The following ARID1B variants were observed in gnomAD, a reference collection of about 807,000 sequenced individuals.
ARID1B encodes AT-rich interaction domain 1B.
ARID1B carries 30 observed loss-of-function variants against 212.3 expected under a neutral mutation model. That is an observed-to-expected ratio of 0.14 (90% CI 0.11 to 0.19). The LOEUF is 0.19. Ranked by LOEUF, ARID1B falls within the 10% of genes least tolerant of loss-of-function variation. The pLI is 1.00. For missense variants in ARID1B, 2,891 were observed against 3,204.0 expected (o/e 0.90, Z 2.36); for synonymous variants, 1,402 against 1,301.7 (o/e 1.08, Z -1.66).
intron 4 of ARID1B, among the ~76,000 whole-genome samples, chr6:157,025,703 A>C (rs1337781856): frequency 3.3e-5 from 5 of 151,998 alleles, no homozygotes. Context: ...TTGTTTATCC[A>C]CTCATCAGTT....
chr6:156,801,330 G>C (rs895933927), intron 1 of ARID1B, among the ~76,000 whole-genome samples: 2 of 150,872 alleles, frequency 1.3e-5, no homozygotes, highest in Non-Finnish European at 2.9e-5. Context: ...CTTCTGAGTA[G>C]CTAGGATTAT....
chr6:156,946,474 A>G (rs191379845), intron 4 of ARID1B, among the ~76,000 whole-genome samples: 5 of 152,338 alleles, frequency 3.3e-5, no homozygotes, highest in Admixed American at 2.0e-4. Context: ...CCTGACATCT[A>G]TGTGCCTGCC....
At chr6:156,963,376 C>T (rs1308078607) in intron 4 of ARID1B, among the ~76,000 whole-genome samples, 2 of 151,988 alleles carry the variant, frequency 1.3e-5, no homozygotes, top group South Asian at 2.1e-4. Flanking sequence ...TGTGTGTATT[C>T]GTGGATAATT....
At chr6:157,156,466 A>G (rs922382927) in intron 8 of ARID1B, among the ~76,000 whole-genome samples, 3 of 152,252 alleles carry the variant, frequency 2.0e-5, no homozygotes, top group Non-Finnish European at 4.4e-5. Flanking sequence ...TTACAGAACT[A>G]TTATGGAAGC....
chr6:157,098,262 G>A (rs1448088071), intron 5 of ARID1B, among the ~76,000 whole-genome samples: 1 of 152,190 alleles, frequency 6.6e-6, no homozygotes, highest in Non-Finnish European at 1.5e-5. Context: ...GCTGGTGGCT[G>A]TTCAGCATTT....
intron 3 of ARID1B, among the ~76,000 whole-genome samples, chr6:156,903,693 T>C (rs1313190378): frequency 2.6e-5 from 4 of 152,366 alleles, no homozygotes; most frequent in Middle Eastern, 3.4e-3. Context: ...TAAAGTATTA[T>C]CAAAATCAAG....
chr6:157,089,892 A>G (rs1785173835), intron 5 of ARID1B, among the ~76,000 whole-genome samples: 1 of 151,174 alleles, frequency 6.6e-6, no homozygotes, highest in Non-Finnish European at 1.5e-5. Context: ...TTGCACTTAC[A>G]CTGCTTCTTG....
intron 5 of ARID1B, among the ~76,000 whole-genome samples, chr6:157,105,373 G>A (rs1178084832): frequency 6.6e-6 from 1 of 151,724 alleles, no homozygotes; most frequent in Admixed American, 6.6e-5. Flanking sequence ...AAAACTAAAA[G>A]ACAACTGACA....
At chr6:157,090,935 G>A (rs898694501) in intron 5 of ARID1B, among the ~76,000 whole-genome samples, 3 of 151,644 alleles carry the variant, frequency 2.0e-5, no homozygotes, top group Non-Finnish European at 4.4e-5. Flanking sequence ...ACCTCTGCAC[G>A]TGTGCCTCCT....
At chr6:157,186,147 A>G (rs1792957987) in intron 13 of ARID1B, 1 of 237,858 alleles carries the variant, frequency 4.2e-6, no homozygotes, top group Non-Finnish European at 8.5e-6. Flanking sequence ...TTGTGTATGG[A>G]GAATAGCTCT....
chr6:156,852,909 A>G (rs1784675112), intron 2 of ARID1B, among the ~76,000 whole-genome samples: 1 of 152,254 alleles, frequency 6.6e-6, no homozygotes, highest in Non-Finnish European at 1.5e-5. Context: ...CTAAACAAAC[A>G]GGTTTGAAAA....
chr6:157,057,710 A>G (rs142443061), intron 4 of ARID1B, among the ~76,000 whole-genome samples: 73 of 152,330 alleles, frequency 4.8e-4, no homozygotes, highest in African/African-American at 1.7e-3. Context: ...GGGGAATTCC[A>G]TAGAGCCGAA....
At chr6:156,875,637 C>G (rs1468436097) in intron 2 of ARID1B, among the ~76,000 whole-genome samples, 2 of 152,244 alleles carry the variant, frequency 1.3e-5, no homozygotes, top group Non-Finnish European at 2.9e-5. Flanking sequence ...AGTCTCTGTT[C>G]AGATTTAAAC....
At position 156,966,381 on chromosome 6, in the gene ARID1B, CTTTTCTTTTTTTTTTTT is replaced by C. The variant is rs1291963422; in HGVS notation, c.2247+30810_2247+30826del. On this transcript the variant is annotated intron_variant, in intron 4 of 19. Transcript: ENST00000636930. ...TACAGACATAAATAACTTTTCTTTTCTTTTCTTTTTTTTTTTTTTTTTTTTTTTTGAGACAGAGGTTT... is the reference window on the plus strand; with the variant it reads ...TACAGACATAAATAACTTTTCTTTTCTTTTTTTTTTTTGAGACAGAGGTTT... Among the ~76,000 whole-genome samples the C allele has an allele frequency of 7.5e-3, 668 of 89,440 alleles. 9 individuals are homozygous for C. Among genetic ancestry groups the C allele is most frequent in the African/African-American group, 0.024 (631 of 26,258 alleles). The allele number at this position is 89,440 out of a possible 152,430, so 58.7% of individuals were successfully genotyped here.
At chr6:157,006,521 G>T (rs1416513601) in intron 4 of ARID1B, among the ~76,000 whole-genome samples, 1 of 152,188 alleles carries the variant, frequency 6.6e-6, no homozygotes, top group Non-Finnish European at 1.5e-5. Flanking sequence ...ATGCCTAGGA[G>T]AACGTTTTTA....
At chr6:157,009,620 T>C (rs180740345) in intron 4 of ARID1B, among the ~76,000 whole-genome samples, 1 of 152,384 alleles carries the variant, frequency 6.6e-6, no homozygotes, top group East Asian at 1.9e-4. Flanking sequence ...GTGAATGTCA[T>C]AGCTAATATG....
Position 156,778,166 on chromosome 6 carries a change from G to C in ARID1B, c.486G>C (p.Pro162=). The C allele has an allele frequency of 1.3e-6, 2 of 1,541,390 alleles. No homozygotes were observed. The highest frequency in any genetic ancestry group is 1.7e-6 in the Non-Finnish European group (2 of 1,146,504). The change falls in exon 1 of 20, where the codon CCG becomes CCC. Residue 162 remains proline (P), a synonymous_variant. Transcript: ENST00000636930. ...CCGTTGGCGAAGCCCCCGCCGCGCCGCCCCACCAGCAGCACCACCACCACC... is the reference window on the plus strand; with the variant it reads ...CCGTTGGCGAAGCCCCCGCCGCGCCCCCCCACCAGCAGCACCACCACCACC... ...LKTVGEAPAA[P]PHQQHHHHHH...
At chr6:156,905,718 G>A (rs1476845353) in intron 3 of ARID1B, among the ~76,000 whole-genome samples, 2 of 152,084 alleles carry the variant, frequency 1.3e-5, no homozygotes, top group Admixed American at 6.5e-5. Flanking sequence ...TTATCTTTTA[G>A]TATCTGATGG....
chr6:156,840,328 G>A (rs776337554), intron 2 of ARID1B, among the ~76,000 whole-genome samples: 90 of 152,168 alleles, frequency 5.9e-4, no homozygotes, highest in Admixed American at 2.7e-3. Flanking sequence ...ACTGCCTCCT[G>A]CCCTGTTCTG....
Sources: allele counts gnomAD v4.1 joint callset (sites outside exome capture counted in the v4.1 genomes callset), GRCh38; gene constraint gnomAD v4.1.1; transcripts MANE v1.5; gene names NCBI Gene and HGNC (gene_info 2026-07-23, HGNC 2026-07-21).